Variants in PBRM1 observed in about 807,000 individuals in gnomAD.
PBRM1 encodes polybromo 1.
A neutral mutation model predicts 194.5 loss-of-function variants in PBRM1; 27 were observed. The ratio of observed to expected loss-of-function variants is 0.14; its 90% confidence interval spans 0.10 to 0.19. The LOEUF (loss-of-function observed/expected upper bound fraction) is 0.19, where lower values mean the gene tolerates loss of function less well. Ranked by LOEUF, PBRM1 falls within the 10% of genes least tolerant of loss-of-function variation. PBRM1 has a pLI of 1.00. For synonymous variants in PBRM1, 655 were observed against 693.2 expected (o/e 0.94, Z 0.87); for missense variants, 1,466 against 2,077.2 (o/e 0.71, Z 5.72).
chr3:52,663,841 T>C (rs1480594392), intron 3 of PBRM1, among the ~76,000 whole-genome samples: 2 of 151,416 alleles, frequency 1.3e-5, no homozygotes, highest in Non-Finnish European at 2.9e-5. Context: ...AGGGGGATCA[T>C]GGGGTCAGAA....
intron 2 of PBRM1, among the ~76,000 whole-genome samples, chr3:52,674,957 T>G (rs996115565): frequency 6.6e-6 from 1 of 150,972 alleles, no homozygotes; most frequent in Non-Finnish European, 1.5e-5. Context: ...CAAAGCAAGA[T>G]CCTGTCTCAA....
chr3:52,566,581 C>T (rs2085288372), intron 22 of PBRM1, among the ~76,000 whole-genome samples: 1 of 151,984 alleles, frequency 6.6e-6, no homozygotes, highest in African/African-American at 2.4e-5. Context: ...TGTATGATTC[C>T]ACTTATATGC....
At chr3:52,674,496 A>G (rs189791107) in intron 2 of PBRM1, among the ~76,000 whole-genome samples, 56 of 138,206 alleles carry the variant, frequency 4.1e-4, no homozygotes, top group Non-Finnish European at 4.9e-4. Context: ...AAAAAAAAAA[A>G]AGAGAGAGAG....
At chr3:52,656,589 C>T (rs1380812723) in intron 5 of PBRM1, among the ~76,000 whole-genome samples, 2 of 152,156 alleles carry the variant, frequency 1.3e-5, no homozygotes, top group Non-Finnish European at 2.9e-5. Flanking sequence ...CGCTTGAACT[C>T]GGGAGGCGGA....
chr3:52,641,112 G>C, intron 10 of PBRM1, among the ~76,000 whole-genome samples: 1 of 151,928 alleles, frequency 6.6e-6, no homozygotes, highest in East Asian at 1.9e-4. Context: ...ATTTCTATAG[G>C]AGATTTAGTT....
chr3:52,634,022 C>T (rs1400531477), intron 11 of PBRM1, among the ~76,000 whole-genome samples: 1 of 152,150 alleles, frequency 6.6e-6, no homozygotes, highest in East Asian at 1.9e-4. Flanking sequence ...CAGGAACTGA[C>T]TATGCTTATC....
intron 22 of PBRM1, among the ~76,000 whole-genome samples, chr3:52,568,925 C>T (rs2086171072): frequency 6.6e-6 from 1 of 152,110 alleles, no homozygotes; most frequent in African/African-American, 2.4e-5. Context: ...CACTTTGTTG[C>T]CCAGCCTGGA....
intron 22 of PBRM1, among the ~76,000 whole-genome samples, chr3:52,575,672 AT>A (rs35495289): frequency 0.34 from 42,058 of 121,908 alleles, 7,711 homozygotes; most frequent in Admixed American, 0.45. Context: ...TGCCCAAATA[AT>A]TTTTTTTTTT....
intron 13 of PBRM1, among the ~76,000 whole-genome samples, chr3:52,626,791 T>A (rs1476864528): frequency 6.6e-6 from 1 of 152,204 alleles, no homozygotes; most frequent in Non-Finnish European, 1.5e-5. Context: ...AAGTTATGAT[T>A]TGTTATTTTA....
chr3:52,602,682 C>T (rs2094089383), intron 17 of PBRM1, among the ~76,000 whole-genome samples: 1 of 152,180 alleles, frequency 6.6e-6, no homozygotes, highest in African/African-American at 2.4e-5. Context: ...CCCTAAACCC[C>T]ACACATATAT....
intron 15 of PBRM1, among the ~76,000 whole-genome samples, chr3:52,612,741 T>A (rs1162614120): frequency 3.3e-5 from 5 of 151,902 alleles, no homozygotes; most frequent in African/African-American, 1.2e-4. Context: ...CTGTCTCTAT[T>A]AAAAATACAA....
At chr3:52,627,666 T>C (rs1442557616) in intron 12 of PBRM1, among the ~76,000 whole-genome samples, 1 of 152,212 alleles carries the variant, frequency 6.6e-6, no homozygotes, top group Non-Finnish European at 1.5e-5. Context: ...TGTAGAAGCA[T>C]CCTGCTCTGG....
chr3:52,626,704 G>A (rs747159127), intron 13 of PBRM1, among the ~76,000 whole-genome samples: 2 of 152,000 alleles, frequency 1.3e-5, no homozygotes, highest in Admixed American at 6.6e-5. Context: ...AAGGAGAAAC[G>A]GTTAGGGAAG....
rs1019370988 is a variant in PBRM1, at chr3:52,648,336, A to C, written c.813+8T>G. 1.9e-6 allele frequency: 3 copies of C among 1,540,042 alleles called. No homozygotes were observed. The highest frequency in any genetic ancestry group is 2.3e-5 in the East Asian group (1 of 44,320). On this transcript the variant is annotated splice_region_variant and intron_variant, in intron 7 of 29. Coordinates refer to ENST00000296302, the Ensembl canonical transcript of PBRM1. The stretch of plus-strand genomic sequence containing the variant: ...GAAAACAACAACAACAACAACAACA[A>C]AACTAACCTTGAATACTTGAGAGCC...
chr3:52,642,092 A>C (rs763674170), intron 9 of PBRM1, 47 bp from the exon 11 acceptor site: 4 of 987,260 alleles, frequency 4.1e-6, no homozygotes, highest in Admixed American at 1.9e-5. Context: ...TGTTATAATA[A>C]TTAGGTTACT....
chr3:52,617,971 C>T lies in PBRM1; in HGVS notation c.1542-433G>A, dbSNP rs529216373. On this transcript the variant is annotated intron_variant, in intron 13 of 29. Transcript: ENST00000296302. ...TACAAAAACAAAACAAAATAAAAAA[C>T]CTAAAAAGAGAAGTGTTTCATCTCT... 7.2e-5 allele frequency among the ~76,000 whole-genome samples: 11 copies of T among 152,196 alleles called. No homozygotes were observed. The South Asian group carries it at 2.3e-3, about 32-fold the overall frequency.
In PBRM1 at chr3:52,574,948, T is replaced by A. The variant is rs771841832; in HGVS notation, c.3691+1593A>T. Among the ~76,000 whole-genome samples the A allele has an allele frequency of 7.4e-4, 112 of 152,204 alleles. 1 individual carries two copies. The highest frequency in any genetic ancestry group is 2.1e-4 in the Non-Finnish European group (14 of 68,032). ...CAGGGTCTCACTCTGTTGCCCAGGC[T>A]GGAGTGCAGTGGCATGATCATGGCT... On this transcript the variant is annotated intron_variant, in intron 22 of 29. Transcript: ENST00000296302.
At chr3:52,607,124 T>G (rs2094389165) in intron 16 of PBRM1, among the ~76,000 whole-genome samples, 1 of 152,228 alleles carries the variant, frequency 6.6e-6, no homozygotes, top group Admixed American at 6.5e-5. Context: ...GCTTTGTTAC[T>G]GATAATATAG....
chr3:52,658,879 A>G (rs1430099672), intron 4 of PBRM1, among the ~76,000 whole-genome samples: 7 of 152,220 alleles, frequency 4.6e-5, no homozygotes, highest in Admixed American at 2.6e-4. Flanking sequence ...TTTCTACAGT[A>G]AATATTGCAA....
Sources: gnomAD v4.1 joint callset for allele counts (sites outside exome capture counted in the v4.1 genomes callset) on GRCh38, gnomAD v4.1.1 for gene constraint, MANE v1.5 for transcripts, NCBI Gene and HGNC (gene_info 2026-07-23, HGNC 2026-07-21) for gene names.